TOM1L1: variants seen among roughly 807,000 people sequenced by gnomAD.
TOM1L1 encodes the protein TOM1-like protein 1.
Under a neutral mutation model 63.4 loss-of-function variants are expected in TOM1L1, and 64 were observed. The ratio of observed to expected loss-of-function variants is 1.01; its 90% CI spans 0.83 to 1.24. The LOEUF is 1.24. Ranked by LOEUF, TOM1L1 falls within the 50% of genes most tolerant of loss-of-function variation. The pLI, the probability that TOM1L1 is intolerant of heterozygous loss-of-function variation, is 0.00. For synonymous variants in TOM1L1, 166 were observed against 194.4 expected, an observed-to-expected ratio of 0.85 and a Z score of 1.22; for missense variants, 536 against 567.0, an observed-to-expected ratio of 0.95 and a Z score of 0.55.
chr17:54,933,532 T>G (rs537932455), intron 8 of TOM1L1, among the ~76,000 whole-genome samples: 1 of 152,288 alleles, frequency 6.6e-6, no homozygotes, highest in African/African-American at 2.4e-5. Context: ...TTTTGTTTTG[T>G]TTTGTTTTTG....
intron 3 of TOM1L1, among the ~76,000 whole-genome samples, chr17:54,910,532 C>G (rs1259249573): frequency 1.3e-5 from 2 of 152,136 alleles, no homozygotes; most frequent in Non-Finnish European, 2.9e-5. Flanking sequence ...GACTTGGAGG[C>G]TAGGTATTTG....
chr17:54,961,093 C>T (rs748108225), intron 15 of TOM1L1, 142 bp from the exon 16 acceptor site: 6 of 674,586 alleles, frequency 8.9e-6, no homozygotes, highest in African/African-American at 1.8e-5. Flanking sequence ...CTTATACCCT[C>T]CCCTATGGAA....
intron 10 of TOM1L1, 110 bp from the exon 11 acceptor site, chr17:54,938,814 C>CTTTTTTTTTTTTT: frequency 1.8e-6 from 1 of 548,464 alleles, no homozygotes; most frequent in Non-Finnish European, 3.0e-6. Flanking sequence ...GTGGGTTTTT[C>CTTTTTTTTTTTTT]TTTTTTTTTT....
At chr17:54,921,184 G>C (rs1222327632) in intron 7 of TOM1L1, among the ~76,000 whole-genome samples, 1 of 152,144 alleles carries the variant, frequency 6.6e-6, no homozygotes, top group Non-Finnish European at 1.5e-5. Flanking sequence ...TGCTGCTTGA[G>C]TCTTTAGATC....
At position 54,903,749 on chromosome 17, in the gene TOM1L1, C is replaced by G; in HGVS notation, c.100C>G (p.Gln34Glu). ...TGGAGTTCAGACTGAAGATTGGGGC[C>G]AGTTCATGCACATCTGTGACATAAT... is the stretch of plus-strand genomic sequence containing the variant. The part of the protein sequence containing the change: ...FAGVQTEDWG[Q>E]FMHICDIINT... The change falls in exon 2 of 16, where the codon CAG (glutamine) becomes GAG (glutamate). Residue 34 changes from glutamine to glutamate, a missense_variant. By Grantham distance (29) the Gln-to-Glu change is conservative. Coordinates refer to ENST00000575882, the MANE Select transcript of TOM1L1 (RefSeq NM_005486.3). The G allele has an allele frequency of 6.2e-7, 1 of 1,614,170 alleles. No homozygotes were observed. The highest frequency in any genetic ancestry group is 1.1e-5 in the South Asian group (1 of 91,088).
chr17:54,960,751 G>C (rs557114287), intron 15 of TOM1L1, 124 bp downstream of exon 15: 2 of 706,916 alleles, frequency 2.8e-6, no homozygotes, highest in South Asian at 3.4e-5. Context: ...TGAAATATGA[G>C]TTCCCCTGAA....
rs2048554905 is a variant in TOM1L1 at position 54,914,537 on chromosome 17, C to T, written c.499-102C>T. Reference sequence around the variant, plus strand: ...ATTTACTCTGGGCAGATACCCTGTACACAGGACTTTGAGAGTGCTTGAGTT... The same window carrying T: ...ATTTACTCTGGGCAGATACCCTGTATACAGGACTTTGAGAGTGCTTGAGTT... On this transcript the variant is annotated intron_variant, in intron 5 of 15. Transcript: ENST00000575882. The T allele has an allele frequency of 8.1e-6, 7 of 859,266 alleles. No homozygotes were observed. The Middle Eastern group carries it at 8.9e-4, about 110-fold the overall frequency. 53.2% of individuals were successfully genotyped at this position (859,266 alleles called of 1,614,324 possible). A position where few individuals can be genotyped will look rare whatever the true frequency, so the allele number is the denominator to read the frequency against.
At chr17:54,932,730 T>G (rs951450441) in intron 8 of TOM1L1, among the ~76,000 whole-genome samples, 2 of 152,216 alleles carry the variant, frequency 1.3e-5, no homozygotes, top group Non-Finnish European at 2.9e-5. Flanking sequence ...CACCATGCTT[T>G]CTTTCTTAGC....
chr17:54,909,990 G>T (rs183036395), intron 3 of TOM1L1, among the ~76,000 whole-genome samples: 33 of 152,320 alleles, frequency 2.2e-4, no homozygotes, highest in African/African-American at 7.5e-4. Context: ...AGGTGATGTA[G>T]AATTAATTAG....
chr17:54,916,263 T>C (rs1026591264), intron 7 of TOM1L1: 18 of 229,574 alleles, frequency 7.8e-5, no homozygotes, highest in Admixed American at 4.8e-4. Flanking sequence ...GCAAGATTGG[T>C]TTGTAAACAA....
intron 14 of TOM1L1, among the ~76,000 whole-genome samples, chr17:54,951,274 A>G (rs1489262725): frequency 6.6e-6 from 1 of 152,232 alleles, no homozygotes; most frequent in East Asian, 1.9e-4. Context: ...GGAAAAGGCC[A>G]TGGAGTTTCC....
At chr17:54,936,439 A>T in intron 8 of TOM1L1, 2 of 432,554 alleles carry the variant, frequency 4.6e-6, no homozygotes, top group Non-Finnish European at 8.2e-6. Flanking sequence ...AGTTTTTTTT[A>T]AATACTTTTC....
At chr17:54,937,254 CCAG>C in intron 10 of TOM1L1, 28 bp downstream of exon 10, 1 of 1,504,944 alleles carries the variant, frequency 6.6e-7, no homozygotes, top group East Asian at 2.3e-5. Context: ...TCTTTTCAGA[CCAG>C]CAGAAGAGCT....
At chr17:54,926,788 G>A (rs906933632) in intron 7 of TOM1L1, among the ~76,000 whole-genome samples, 1 of 152,204 alleles carries the variant, frequency 6.6e-6, no homozygotes, top group African/African-American at 2.4e-5. Context: ...TGCAGTTGAG[G>A]CTGCATATGC....
chr17:54,901,052 A>G (rs1315752487), intron 1 of TOM1L1, 129 bp downstream of exon 1: 18 of 1,316,978 alleles, frequency 1.4e-5, no homozygotes, highest in Non-Finnish European at 1.7e-5. Context: ...TCCCCCCGCA[A>G]CTTTCCCAAG....
intron 14 of TOM1L1, chr17:54,953,748 T>C (rs1375243806): frequency 1.3e-5 from 2 of 152,190 alleles, no homozygotes; most frequent in Non-Finnish European, 2.9e-5. Flanking sequence ...GCCACATCTC[T>C]TTACTATAGA....
intron 2 of TOM1L1, among the ~76,000 whole-genome samples, chr17:54,904,868 C>T (rs144525846): frequency 3.3e-5 from 5 of 152,234 alleles, no homozygotes; most frequent in African/African-American, 1.2e-4. Context: ...AAATGGAAAG[C>T]GCTTATGGTT....
intron 8 of TOM1L1, among the ~76,000 whole-genome samples, chr17:54,931,676 G>A (rs1014769590): frequency 2.6e-5 from 4 of 151,872 alleles, no homozygotes; most frequent in Non-Finnish European, 4.4e-5. Context: ...GGTGACACAC[G>A]CCTTTAGTCC....
intron 3 of TOM1L1, among the ~76,000 whole-genome samples, chr17:54,908,402 G>A (rs1052448977): frequency 6.6e-6 from 1 of 152,116 alleles, no homozygotes; most frequent in African/African-American, 2.4e-5. Flanking sequence ...TAATATTCAC[G>A]TAAGCCAAAT....
Sources: allele counts gnomAD v4.1 joint callset (sites outside exome capture counted in the v4.1 genomes callset), GRCh38; gene constraint gnomAD v4.1.1; transcripts MANE v1.5; gene names NCBI Gene and HGNC (gene_info 2026-07-23, HGNC 2026-07-21).